The following ARHGEF7 variants were observed in gnomAD, a reference collection of about 807,000 sequenced individuals.
The protein encoded by ARHGEF7 is PAK-interacting exchange factor beta.
ARHGEF7 carries 33 observed loss-of-function variants against 109.8 expected under a neutral mutation model. That is an observed-to-expected ratio of 0.30 (90% CI 0.23 to 0.40). The LOEUF is 0.40. Ranked by LOEUF, ARHGEF7 falls within the 10% of genes least tolerant of loss-of-function variation. The pLI is 1.00. For synonymous variants in ARHGEF7, 458 were observed against 424.6 expected, an observed-to-expected ratio of 1.08 and a Z score of -0.97; for missense variants, 938 against 1,098.5, an observed-to-expected ratio of 0.85 and a Z score of 2.07.
intron 2 of ARHGEF7, among the ~76,000 whole-genome samples, chr13:111,156,858 T>C (rs2076376990): frequency 6.6e-6 from 1 of 152,254 alleles, no homozygotes; most frequent in African/African-American, 2.4e-5. Flanking sequence ...AGATTAGCTT[T>C]TGTTCTATAG....
chr13:111,194,840 T>C (rs996498650), intron 2 of ARHGEF7, among the ~76,000 whole-genome samples: 2 of 152,184 alleles, frequency 1.3e-5, no homozygotes, highest in African/African-American at 4.8e-5. Context: ...AGAGAAACTG[T>C]GAGTCAGTGC....
In ARHGEF7 at chr13:111,153,949, C is replaced by T. The variant is rs1485148164; in HGVS notation, c.210C>T (p.Ile70=). The T allele has an allele frequency of 1.2e-6, 2 of 1,605,460 alleles. No individual in the cohort carries two copies. Among genetic ancestry groups the T allele is most frequent in the Admixed American group, 1.7e-5 (1 of 59,702 alleles). ...PRSESECLSN[I]REFLRGCGAS... The stretch of plus-strand genomic sequence containing the variant: ...GCGAGAGCGAGTGCCTGAGCAACAT[C>T]CGCGAGTTCCTGCGCGGCTGCGGGG... The change falls in exon 2 of 22, where the codon ATC becomes ATT. Residue 70 remains isoleucine, a synonymous_variant. Transcript: ENST00000646102.
At chr13:111,222,009 C>G (rs567137518) in intron 5 of ARHGEF7, among the ~76,000 whole-genome samples, 1 of 152,064 alleles carries the variant, frequency 6.6e-6, no homozygotes, top group Non-Finnish European at 1.5e-5. Context: ...CGCCTTTTCA[C>G]GTTTTTCTGC....
intron 18 of ARHGEF7, among the ~76,000 whole-genome samples, chr13:111,289,280 C>T (rs952599022): frequency 2.0e-5 from 3 of 152,166 alleles, no homozygotes; most frequent in Admixed American, 6.5e-5. Flanking sequence ...GTGATCTGCC[C>T]GCCTCAGCCT....
At chr13:111,290,231 G>A (rs1000751642) in intron 18 of ARHGEF7, among the ~76,000 whole-genome samples, 3 of 152,126 alleles carry the variant, frequency 2.0e-5, no homozygotes, top group South Asian at 2.1e-4. Context: ...CCACCCAACC[G>A]TGTCTGTGAG....
intron 6 of ARHGEF7, among the ~76,000 whole-genome samples, chr13:111,235,830 T>C (rs865881871): frequency 3.3e-5 from 5 of 152,232 alleles, no homozygotes; most frequent in Admixed American, 6.5e-5. Context: ...CACAGAAAAC[T>C]ATAAGGTCTG....
intron 21 of ARHGEF7, among the ~76,000 whole-genome samples, chr13:111,302,005 C>CT (rs368459031): frequency 0.011 from 1,689 of 150,438 alleles, 31 homozygotes; most frequent in African/African-American, 0.036. Flanking sequence ...TGTTTAAACT[C>CT]TTTTTTTTTT....
intron 3 of ARHGEF7, 54 bp from the exon 4 acceptor site, chr13:111,209,818 T>C: frequency 1.3e-6 from 2 of 1,593,610 alleles, no homozygotes; most frequent in Non-Finnish European, 1.7e-6. Flanking sequence ...GTAGTGTGGG[T>C]GCGTGGTATC....
chr13:111,153,568 C>A (rs546537072), intron 1 of ARHGEF7: 4 of 1,034,606 alleles, frequency 3.9e-6, no homozygotes, highest in African/African-American at 3.4e-5. Flanking sequence ...GCAGGGTGGG[C>A]TGCGTCCGCG....
rs575728659 is a variant in ARHGEF7, at chr13:111,252,826, T to A, written c.950+8532T>A. ...ACAACTGGTAACTGGGGCCTCAGATTTGGAGACAGGTTGTCTTCATTCGAG... is the reference window on the plus strand; with the variant it reads ...ACAACTGGTAACTGGGGCCTCAGATATGGAGACAGGTTGTCTTCATTCGAG... On this transcript the variant is annotated intron_variant, in intron 8 of 21. Coordinates refer to ENST00000646102, the MANE Select transcript of ARHGEF7 (RefSeq NM_001354046.2). Among the ~76,000 whole-genome samples the A allele has an allele frequency of 2.1e-4, 32 of 152,352 alleles. 1 individual carries two copies. The South Asian group carries it at 6.6e-3, about 32-fold the overall frequency.
chr13:111,185,458 T>C (rs994112887), intron 2 of ARHGEF7, among the ~76,000 whole-genome samples: 4 of 152,218 alleles, frequency 2.6e-5, no homozygotes, highest in African/African-American at 9.6e-5. Flanking sequence ...CGGTGGCACC[T>C]TGGGAGGGAT....
intron 2 of ARHGEF7, among the ~76,000 whole-genome samples, chr13:111,187,464 A>G (rs57524664): frequency 0.022 from 3,275 of 152,294 alleles, 122 homozygotes; most frequent in African/African-American, 0.075. Flanking sequence ...GGCTCTTGCC[A>G]TTCCTGACTT....
chr13:111,251,208 G>C (rs1766282320), intron 8 of ARHGEF7, among the ~76,000 whole-genome samples: 1 of 152,180 alleles, frequency 6.6e-6, no homozygotes, highest in African/African-American at 2.4e-5. Context: ...GGTAACAAAA[G>C]ACACTTCTGT....
At chr13:111,221,630 AT>A (rs975367334) in intron 5 of ARHGEF7, among the ~76,000 whole-genome samples, 5 of 105,086 alleles carry the variant, frequency 4.8e-5, no homozygotes, top group African/African-American at 1.8e-4. Context: ...GTATATATAT[AT>A]GTATCTCCCC....
chr13:111,176,387 T>G (rs1295251032), intron 2 of ARHGEF7, among the ~76,000 whole-genome samples: 2 of 152,228 alleles, frequency 1.3e-5, no homozygotes, highest in Non-Finnish European at 2.9e-5. Context: ...GTGCGTGATG[T>G]GCCTCTCCCC....
chr13:111,116,547 G>C (rs1191345265), intron 1 of ARHGEF7: 2 of 150,200 alleles, frequency 1.3e-5, no homozygotes, highest in East Asian at 3.9e-4. Context: ...CTTATTCCCA[G>C]GGTGTTTCTT....
At chr13:111,230,623 C>G (rs1273300939) in intron 5 of ARHGEF7, among the ~76,000 whole-genome samples, 2 of 152,130 alleles carry the variant, frequency 1.3e-5, no homozygotes, top group Non-Finnish European at 2.9e-5. Flanking sequence ...CTTCCTGTCT[C>G]CCCTGCAGGG....
chr13:111,122,966 G>T (rs991836581), intron 1 of ARHGEF7, among the ~76,000 whole-genome samples: 1 of 152,210 alleles, frequency 6.6e-6, no homozygotes, highest in South Asian at 2.1e-4. Context: ...GGGATACTGT[G>T]TATAGAGGTC....
At chr13:111,210,312 G>A (rs1054087706) in intron 4 of ARHGEF7, among the ~76,000 whole-genome samples, 4 of 152,148 alleles carry the variant, frequency 2.6e-5, no homozygotes, top group African/African-American at 9.7e-5. Flanking sequence ...GGCATTATCA[G>A]CTATGCACAT....
Sources: gnomAD v4.1 joint callset for allele counts (sites outside exome capture counted in the v4.1 genomes callset) on GRCh38, gnomAD v4.1.1 for gene constraint, MANE v1.5 for transcripts, NCBI Gene and HGNC (gene_info 2026-07-23, HGNC 2026-07-21) for gene names.